Variants in CPS1 observed in about 807,000 individuals in gnomAD.
The protein encoded by CPS1 is carbamoyl-phosphate synthase [ammonia], mitochondrial.
In CPS1, 109 loss-of-function variants were observed where a neutral mutation model predicts 174.6. The ratio of observed to expected loss-of-function variants is 0.62; its 90% confidence interval spans 0.53 to 0.73. The LOEUF (loss-of-function observed/expected upper bound fraction) is 0.73. CPS1 is among the 30% of genes least tolerant of loss of function. The pLI is 0.00. For missense variants in CPS1, 1,689 were observed against 1,821.9 expected (o/e 0.93, Z 1.33); for synonymous variants, 637 against 632.0 (o/e 1.01, Z -0.12).
At chr2:210,609,937 T>A (rs1386822964) in intron 19 of CPS1, among the ~76,000 whole-genome samples, 1 of 151,986 alleles carries the variant, frequency 6.6e-6, no homozygotes, top group Non-Finnish European at 1.5e-5. Context: ...TATTTTGGCT[T>A]CCTTAATTTG....
upstream of CPS1, chr2:210,556,258 C>T: frequency 2.3e-6 from 1 of 437,686 alleles, no homozygotes; most frequent in African/African-American, 2.0e-5. Context: ...AAGCGTTCAG[C>T]TTTCTTTGGG....
intron 28 of CPS1, among the ~76,000 whole-genome samples, chr2:210,652,407 GT>G (rs1005363710): frequency 2.0e-5 from 3 of 152,164 alleles, no homozygotes; most frequent in African/African-American, 7.2e-5. Flanking sequence ...TGAGTGAGTT[GT>G]TGCTATAGCT....
intron 34 of CPS1, 37 bp from the exon 35 acceptor site, chr2:210,674,865 A>G (rs764578002): frequency 3.3e-6 from 5 of 1,530,548 alleles, no homozygotes; most frequent in African/African-American, 1.4e-5. Context: ...AAGAGCATGT[A>G]TATCTAGAAA....
chr2:210,577,316 C>A, intron 3 of CPS1, 105 bp from the exon 4 acceptor site: 1 of 869,928 alleles, frequency 1.1e-6, no homozygotes. Context: ...TCCTAAGTCT[C>A]ATGTCAGTGG....
At chr2:210,654,245 A>C in intron 29 of CPS1, 143 bp downstream of exon 29, 1 of 728,250 alleles carries the variant, frequency 1.4e-6, no homozygotes. Context: ...AAAAAAATCA[A>C]ATTCTCTGAC....
intron 32 of CPS1, among the ~76,000 whole-genome samples, chr2:210,661,521 C>T (rs889876511): frequency 1.3e-5 from 2 of 152,136 alleles, no homozygotes; most frequent in South Asian, 4.1e-4. Flanking sequence ...ACAGCTCAGA[C>T]TTGGACTTTT....
At chr2:210,485,985 G>A (rs72932424) in intron 1 of CPS1, among the ~76,000 whole-genome samples, 30,996 of 151,122 alleles carry the variant, frequency 0.21, 3,707 homozygotes, top group Middle Eastern at 0.34. Context: ...TAGTAGTATC[G>A]CATTGTGATT....
chr2:210,639,618 CAAAA>C (rs397987630), intron 23 of CPS1, among the ~76,000 whole-genome samples: 641 of 31,926 alleles, frequency 0.02, 1 homozygote, highest in African/African-American at 0.052. Flanking sequence ...GACTCCGTCT[CAAAA>C]AAAAAAAAAA....
chr2:210,657,355 G>A (rs923163875), intron 30 of CPS1: 2 of 151,270 alleles, frequency 1.3e-5, no homozygotes, highest in African/African-American at 4.9e-5. Flanking sequence ...CTTTCACCCG[G>A]GTGGGACTGC....
chr2:210,650,232 T>C (rs991813001), intron 27 of CPS1, 131 bp from the exon 28 acceptor site: 3 of 743,168 alleles, frequency 4.0e-6, no homozygotes, highest in Non-Finnish European at 7.2e-6. Flanking sequence ...GAGAAAAGTC[T>C]CAATTTAGCA....
intron 21 of CPS1, among the ~76,000 whole-genome samples, chr2:210,636,295 A>C (rs1700040298): frequency 6.6e-6 from 1 of 151,966 alleles, no homozygotes; most frequent in Non-Finnish European, 1.5e-5. Flanking sequence ...AGCTAATTTC[A>C]ATCACTTCTT....
intron 4 of CPS1, among the ~76,000 whole-genome samples, chr2:210,578,188 A>T (rs566106142): frequency 6.6e-6 from 1 of 152,160 alleles, no homozygotes; most frequent in African/African-American, 2.4e-5. Flanking sequence ...AGCTCACTGC[A>T]ACCTCCACCT....
intron 1 of CPS1, among the ~76,000 whole-genome samples, chr2:210,482,197 T>C (rs111347902): frequency 0.017 from 2,621 of 152,296 alleles, 33 homozygotes; most frequent in Non-Finnish European, 0.027. Context: ...TTCTCATACA[T>C]TGTATCAGGA....
intron 1 of CPS1, among the ~76,000 whole-genome samples, chr2:210,504,906 G>A (rs902113602): frequency 1.2e-4 from 18 of 151,970 alleles, no homozygotes; most frequent in Admixed American, 1.0e-3. Context: ...TGAACAATTG[G>A]GAGGACGACC....
intron 34 of CPS1, among the ~76,000 whole-genome samples, chr2:210,671,106 T>G (rs1253909186): frequency 6.6e-6 from 1 of 152,188 alleles, no homozygotes; most frequent in Non-Finnish European, 1.5e-5. Flanking sequence ...TGCCTTGTTT[T>G]GAAGTTTTCT....
Position 210,478,892 on chromosome 2 carries a change from T to G in CPS1, c.3+1126T>G, listed in dbSNP as rs535712815. ...AAGATTTTAATTGCTGGAAATAATATTTCCCTCCCTCCCTCCCTCCTCCCC... is the reference window on the plus strand; with the variant it reads ...AAGATTTTAATTGCTGGAAATAATAGTTCCCTCCCTCCCTCCCTCCTCCCC... On this transcript the variant is annotated intron_variant, in intron 1 of 38. Coordinates refer to the CPS1 transcript ENST00000430249. 1.2e-3 allele frequency among the ~76,000 whole-genome samples: 153 copies of G among 128,296 alleles called. 1 individual carries two copies. Among genetic ancestry groups the G allele is most frequent in the Non-Finnish European group, 2.2e-3 (134 of 59,586 alleles). The allele number at this position is 128,296 out of a possible 152,430, so 84.2% of individuals were successfully genotyped here. A position where few individuals can be genotyped will look rare whatever the true frequency, so the allele number is the denominator to read the frequency against.
intron 21 of CPS1, among the ~76,000 whole-genome samples, chr2:210,636,033 C>A (rs1291635049): frequency 3.3e-5 from 5 of 152,094 alleles, no homozygotes; most frequent in African/African-American, 1.2e-4. Context: ...AGATTTAATC[C>A]AATTACATTT....
intron 10 of CPS1, 67 bp downstream of exon 10, chr2:210,592,036 A>G: frequency 6.6e-7 from 1 of 1,508,580 alleles, no homozygotes; most frequent in Non-Finnish European, 9.0e-7. Flanking sequence ...AATAATTGAT[A>G]CATAAGCATT....
chr2:210,640,857 T>A (rs1047561498), intron 24 of CPS1, among the ~76,000 whole-genome samples: 1 of 152,226 alleles, frequency 6.6e-6, no homozygotes, highest in African/African-American at 2.4e-5. Context: ...ATGTTATATC[T>A]TTACCACCTT....
Sources: allele counts gnomAD v4.1 joint callset (sites outside exome capture counted in the v4.1 genomes callset), GRCh38; gene constraint gnomAD v4.1.1; transcripts MANE v1.5; gene names NCBI Gene and HGNC (gene_info 2026-07-23, HGNC 2026-07-21).